Variants in LRMDA observed in about 807,000 individuals in gnomAD.
LRMDA encodes leucine-rich melanocyte differentiation-associated protein.
In LRMDA, 18 loss-of-function variants were observed where a neutral mutation model predicts 29.8. The ratio of observed to expected loss-of-function variants is 0.60; its 90% confidence interval spans 0.42 to 0.90. The LOEUF (loss-of-function observed/expected upper bound fraction) is 0.90, where lower values mean the gene tolerates loss of function less well. Among genes scored for constraint, LRMDA ranks in the 40% least tolerant of loss-of-function variants. The pLI is 0.00. For synonymous variants in LRMDA, 125 were observed against 109.4 expected (o/e 1.14, Z -0.89); for missense variants, 273 against 273.9 (o/e 1.00, Z 0.02).
chr10:75,887,333 A>T (rs1351634534), intron 2 of LRMDA, among the ~76,000 whole-genome samples: 1 of 152,136 alleles, frequency 6.6e-6, no homozygotes, highest in East Asian at 1.9e-4. Flanking sequence ...ATGGAAAAAT[A>T]GGATACAAAT....
chr10:76,012,383 C>G (rs1847799137), intron 2 of LRMDA, among the ~76,000 whole-genome samples: 1 of 152,126 alleles, frequency 6.6e-6, no homozygotes, highest in African/African-American at 2.4e-5. Flanking sequence ...TGTCCCACTC[C>G]TATGGTGAAG....
intron 5 of LRMDA, among the ~76,000 whole-genome samples, chr10:76,250,658 A>G (rs1015176369): frequency 6.6e-6 from 1 of 152,124 alleles, no homozygotes; most frequent in Non-Finnish European, 1.5e-5. Context: ...AAGTATTAAA[A>G]CTGCTTTGAA....
chr10:75,800,472 C>G, intron 2 of LRMDA, among the ~76,000 whole-genome samples: 1 of 149,720 alleles, frequency 6.7e-6, no homozygotes, highest in African/African-American at 2.4e-5. Context: ...GAGTCTTGCT[C>G]TGTCACCCAG....
At chr10:75,616,266 G>GCAGCAA (rs1841098730) in intron 2 of LRMDA, among the ~76,000 whole-genome samples, 1 of 152,076 alleles carries the variant, frequency 6.6e-6, no homozygotes, top group African/African-American at 2.4e-5. Flanking sequence ...AGCAGCAGCA[G>GCAGCAA]CAGCAGCAGC....
chr10:76,160,121 C>T (rs1275341725), intron 5 of LRMDA, among the ~76,000 whole-genome samples: 1 of 151,870 alleles, frequency 6.6e-6, no homozygotes, highest in Non-Finnish European at 1.5e-5. Context: ...TGTATGTATC[C>T]CCCCATTTCC....
chr10:75,772,252 G>T (rs2132235775), intron 2 of LRMDA, among the ~76,000 whole-genome samples: 1 of 152,162 alleles, frequency 6.6e-6, no homozygotes, highest in Non-Finnish European at 1.5e-5. Flanking sequence ...TGTAAAATTA[G>T]GACTTTATCA....
At chr10:75,826,106 ACCT>A (rs2132286185) in intron 2 of LRMDA, among the ~76,000 whole-genome samples, 1 of 152,146 alleles carries the variant, frequency 6.6e-6, no homozygotes, top group Admixed American at 6.5e-5. Flanking sequence ...GTGGAATTTG[ACCT>A]CCTCAAAAAT....
rs115015638 is a variant in LRMDA, at chr10:76,040,439, G to A, written c.258+4305G>A. ...GTTGATATCCTGCTCTGGTATATCT[G>A]AAAGCCTGGTTGTCTGAGATTACCT... On this transcript the variant is annotated intron_variant, in intron 3 of 6. Transcript: ENST00000611255. Among the ~76,000 whole-genome samples, 246 of 152,222 alleles carry A rather than the reference G, an allele frequency of 1.6e-3. 4 individuals are homozygous for A. The highest frequency in any genetic ancestry group is 5.8e-3 in the African/African-American group (241 of 41,524).
intron 2 of LRMDA, among the ~76,000 whole-genome samples, chr10:75,734,182 G>A (rs1425313992): frequency 6.6e-6 from 1 of 152,080 alleles, no homozygotes; most frequent in Non-Finnish European, 1.5e-5. Flanking sequence ...TGTTATATGT[G>A]GTTTGCCAGG....
intron 5 of LRMDA, among the ~76,000 whole-genome samples, chr10:76,102,993 C>T (rs984160391): frequency 2.0e-5 from 3 of 152,092 alleles, no homozygotes; most frequent in African/African-American, 7.2e-5. Context: ...GGGTATATAC[C>T]TGGGAGTGGA....
At chr10:76,445,892 A>G (rs1474532075) in intron 6 of LRMDA, among the ~76,000 whole-genome samples, 1 of 152,164 alleles carries the variant, frequency 6.6e-6, no homozygotes, top group Non-Finnish European at 1.5e-5. Context: ...TGAATATGAA[A>G]AAGTGCTAAC....
At chr10:76,553,649 T>C (rs1017731656) in intron 6 of LRMDA, among the ~76,000 whole-genome samples, 1 of 152,210 alleles carries the variant, frequency 6.6e-6, no homozygotes, top group East Asian at 1.9e-4. Flanking sequence ...GTTTCGTGCA[T>C]GTTTGCTTTT....
intron 1 of LRMDA, among the ~76,000 whole-genome samples, chr10:75,437,071 C>T (rs1844271252): frequency 6.6e-6 from 1 of 152,120 alleles, no homozygotes; most frequent in Non-Finnish European, 1.5e-5. Context: ...AATGAAGTTA[C>T]TGAAGGAGAG....
At chr10:75,507,371 A>G (rs1170683931) in intron 2 of LRMDA, among the ~76,000 whole-genome samples, 1 of 152,154 alleles carries the variant, frequency 6.6e-6, no homozygotes, top group Non-Finnish European at 1.5e-5. Flanking sequence ...CTTTTGTGCC[A>G]TCATTTTCCA....
At position 76,200,472 on chromosome 10, in the gene LRMDA, C is replaced by G. The variant is rs532433200; in HGVS notation, c.517-123929C>G. Reference sequence around the variant, plus strand: ...AGTTCTCTGTCTTAAAATTCTGATGCCATTCATCGATCTAGTTGGATGAGT... The same window carrying G: ...AGTTCTCTGTCTTAAAATTCTGATGGCATTCATCGATCTAGTTGGATGAGT... On this transcript the variant is annotated intron_variant, in intron 5 of 6. Coordinates refer to ENST00000611255, the MANE Select transcript of LRMDA (RefSeq NM_001305581.2). 5.3e-5 allele frequency among the ~76,000 whole-genome samples: 8 copies of G among 152,152 alleles called. No individual in the cohort carries two copies. In the East Asian group the frequency reaches 1.6e-3, roughly 29 times the overall value.
At chr10:76,319,202 C>G (rs553050688) in intron 5 of LRMDA, 1 of 152,356 alleles carries the variant, frequency 6.6e-6, no homozygotes, top group East Asian at 1.9e-4. Flanking sequence ...AGCCACTGCG[C>G]CCAGCCCATG....
At chr10:75,809,769 G>A (rs1051494336) in intron 2 of LRMDA, among the ~76,000 whole-genome samples, 3 of 152,208 alleles carry the variant, frequency 2.0e-5, no homozygotes, top group Admixed American at 6.5e-5. Context: ...CAGGTGGTGC[G>A]TGACACTGTG....
intron 5 of LRMDA, among the ~76,000 whole-genome samples, chr10:76,169,329 A>G (rs1850793594): frequency 6.6e-6 from 1 of 152,214 alleles, no homozygotes; most frequent in Non-Finnish European, 1.5e-5. Flanking sequence ...CCTATAAGGA[A>G]AACATTTTTA....
At position 76,482,239 on chromosome 10, in the gene LRMDA, A is replaced by AT. The variant is rs1362741867; in HGVS notation, c.602-74967dup. Among the ~76,000 whole-genome samples, 8 of 152,078 alleles carry AT rather than the reference A, an allele frequency of 5.3e-5. No individual in the cohort carries two copies. In the East Asian group the frequency reaches 1.2e-3, roughly 22 times the overall value. The stretch of plus-strand genomic sequence containing the variant: ...GAAGTATTAACATACATTTATAAGT[A>AT]TTTACAAATTTTAAGTGTGCAGTTC... On this transcript the variant is annotated intron_variant, in intron 6 of 6. Transcript: ENST00000611255.
Sources: gnomAD v4.1 joint callset for allele counts (sites outside exome capture counted in the v4.1 genomes callset) on GRCh38, gnomAD v4.1.1 for gene constraint, MANE v1.5 for transcripts, NCBI Gene and HGNC (gene_info 2026-07-23, HGNC 2026-07-21) for gene names.